Variants in SPATA16 observed in about 807,000 individuals in gnomAD.
SPATA16 encodes the protein spermatogenesis-associated protein 16.
Under a neutral mutation model 63.3 loss-of-function variants are expected in SPATA16, and 36 were observed. The ratio of observed to expected loss-of-function variants is 0.57; its 90% CI spans 0.44 to 0.75. SPATA16 has a LOEUF of 0.75. Ranked by LOEUF, SPATA16 falls within the 30% of genes least tolerant of loss-of-function variation. The pLI is 0.00. For missense variants in SPATA16, 646 were observed against 679.3 expected (o/e 0.95, Z 0.54); for synonymous variants, 203 against 216.7 (o/e 0.94, Z 0.56).
intron 10 of SPATA16, among the ~76,000 whole-genome samples, chr3:172,894,910 A>G (rs1731977781): frequency 6.6e-6 from 1 of 152,186 alleles, no homozygotes; most frequent in Admixed American, 6.5e-5. Flanking sequence ...GAATGATGAG[A>G]AATACATTTC....
chr3:172,959,787 C>CATAT (rs66806016), intron 5 of SPATA16, among the ~76,000 whole-genome samples: 5,871 of 135,198 alleles, frequency 0.043, 209 homozygotes, highest in African/African-American at 0.086. Context: ...AGTAATATAA[C>CATAT]ATATATATAT....
chr3:173,110,750 T>C (rs914627322), intron 2 of SPATA16, among the ~76,000 whole-genome samples: 1 of 152,162 alleles, frequency 6.6e-6, no homozygotes, highest in Non-Finnish European at 1.5e-5. Context: ...TGACTCCAAA[T>C]TCAGTGCCCT....
At chr3:172,973,753 G>A (rs1243328176) in intron 5 of SPATA16, among the ~76,000 whole-genome samples, 4 of 152,086 alleles carry the variant, frequency 2.6e-5, no homozygotes, top group Non-Finnish European at 2.9e-5. Flanking sequence ...ATATAAATAC[G>A]ATAGGGCAGC....
At chr3:172,899,650 C>G (rs1732082561) in intron 10 of SPATA16, among the ~76,000 whole-genome samples, 1 of 151,806 alleles carries the variant, frequency 6.6e-6, no homozygotes, top group African/African-American at 2.4e-5. Flanking sequence ...TATGTTAGAC[C>G]TTAGTCTGCC....
intron 1 of SPATA16, among the ~76,000 whole-genome samples, chr3:173,138,923 G>A (rs1738624894): frequency 6.6e-6 from 1 of 152,152 alleles, no homozygotes; most frequent in South Asian, 2.1e-4. Context: ...CATATAGTAT[G>A]CAAATACATT....
In SPATA16 at chr3:173,137,822, A is replaced by AACACACACACACACAC. The variant is rs1185263699; in HGVS notation, c.-19+3265_-19+3280dup. On this transcript the variant is annotated intron_variant, in intron 1 of 10. Transcript: ENST00000351008. ...TCTGAGGGGGATCCCATGGACTCTC[A>AACACACACACACACAC]ACACACACACACACACACACACACA... Among the ~76,000 whole-genome samples the AACACACACACACACAC allele has an allele frequency of 1.8e-3, 225 of 122,282 alleles. 5 individuals are homozygous for AACACACACACACACAC. Among genetic ancestry groups the AACACACACACACACAC allele is most frequent in the East Asian group, 8.6e-3 (34 of 3,948 alleles). 80.2% of individuals were successfully genotyped at this position (122,282 alleles called of 152,430 possible). A position where few individuals can be genotyped will look rare whatever the true frequency, so the allele number is the denominator to read the frequency against.
intron 6 of SPATA16, among the ~76,000 whole-genome samples, chr3:172,933,484 G>A (rs1468062010): frequency 6.6e-6 from 1 of 152,162 alleles, no homozygotes; most frequent in Non-Finnish European, 1.5e-5. Context: ...TTATTCCTTG[G>A]TAATAAGTGA....
At chr3:172,966,258 C>G (rs1486751968) in intron 5 of SPATA16, among the ~76,000 whole-genome samples, 1 of 152,216 alleles carries the variant, frequency 6.6e-6, no homozygotes, top group Non-Finnish European at 1.5e-5. Flanking sequence ...TGTCCAGTCT[C>G]TGGTTACATC....
chr3:173,114,040 C>G (rs183831670), intron 2 of SPATA16, among the ~76,000 whole-genome samples: 1 of 152,102 alleles, frequency 6.6e-6, no homozygotes, highest in East Asian at 1.9e-4. Flanking sequence ...CTTAGCCAGG[C>G]GTGGTGGCAG....
At chr3:173,051,755 C>T (rs1256924463) in intron 2 of SPATA16, among the ~76,000 whole-genome samples, 1 of 152,124 alleles carries the variant, frequency 6.6e-6, no homozygotes, top group Non-Finnish European at 1.5e-5. Context: ...GTCTTTGCCC[C>T]TTCCTATCCT....
intron 3 of SPATA16, 137 bp downstream of exon 3, chr3:173,048,812 G>A: frequency 1.8e-6 from 2 of 1,114,956 alleles, no homozygotes; most frequent in Non-Finnish European, 2.6e-6. Flanking sequence ...TGCCTCACTT[G>A]ACATAAAACA....
At chr3:172,970,304 C>T (rs1734020710) in intron 5 of SPATA16, among the ~76,000 whole-genome samples, 1 of 152,078 alleles carries the variant, frequency 6.6e-6, no homozygotes, top group Non-Finnish European at 1.5e-5. Flanking sequence ...TCCTATATTT[C>T]TGTCAAATTT....
At chr3:173,082,830 G>A (rs972615585) in intron 2 of SPATA16, among the ~76,000 whole-genome samples, 19 of 152,144 alleles carry the variant, frequency 1.2e-4, no homozygotes, top group Non-Finnish European at 4.4e-5. Flanking sequence ...AAGGGTACTA[G>A]TGCCTCGGAC....
chr3:172,947,283 C>A (rs1454580673), intron 6 of SPATA16, among the ~76,000 whole-genome samples: 1 of 152,124 alleles, frequency 6.6e-6, no homozygotes, highest in Non-Finnish European at 1.5e-5. Context: ...ATAAACACTT[C>A]TTTAATAACT....
chr3:172,997,494 A>C (rs927731389), intron 4 of SPATA16, among the ~76,000 whole-genome samples: 1 of 151,868 alleles, frequency 6.6e-6, no homozygotes, highest in Non-Finnish European at 1.5e-5. Context: ...AGTTCTTTGT[A>C]TATTTTGGAT....
chr3:172,946,926 A>G (rs1733303928), intron 6 of SPATA16, among the ~76,000 whole-genome samples: 1 of 152,186 alleles, frequency 6.6e-6, no homozygotes, highest in Non-Finnish European at 1.5e-5. Context: ...TATCCAGCAT[A>G]GTCCCAGTTG....
chr3:173,057,716 C>T (rs1200549508), intron 2 of SPATA16, among the ~76,000 whole-genome samples: 1 of 152,212 alleles, frequency 6.6e-6, no homozygotes, highest in Non-Finnish European at 1.5e-5. Context: ...ATTCAATGAA[C>T]TAACTACAGA....
At chr3:172,908,310 C>CT (rs201314097) in intron 10 of SPATA16, among the ~76,000 whole-genome samples, 4,206 of 152,250 alleles carry the variant, frequency 0.028, 77 homozygotes, top group Non-Finnish European at 0.04. Flanking sequence ...AAAAATTTAC[C>CT]TTTTTTTAAA....
At chr3:172,978,174 T>A (rs1734213485) in intron 4 of SPATA16, among the ~76,000 whole-genome samples, 1 of 151,726 alleles carries the variant, frequency 6.6e-6, no homozygotes. Flanking sequence ...TATATATATA[T>A]AAACACAGGT....
Sources: allele counts gnomAD v4.1 joint callset (sites outside exome capture counted in the v4.1 genomes callset), GRCh38; gene constraint gnomAD v4.1.1; transcripts MANE v1.5; gene names NCBI Gene and HGNC (gene_info 2026-07-23, HGNC 2026-07-21).